Variants in SLC9A3 observed in about 807,000 individuals in gnomAD.
SLC9A3 encodes sodium/hydrogen exchanger 3.
SLC9A3 carries 37 observed loss-of-function variants against 86.8 expected under a neutral mutation model. That is an observed-to-expected ratio of 0.43 (90% CI 0.33 to 0.56). The LOEUF (loss-of-function observed/expected upper bound fraction) is 0.56, where lower values mean the gene tolerates loss of function less well. SLC9A3 is among the 20% of genes least tolerant of loss of function. The pLI, the probability that SLC9A3 is intolerant of heterozygous loss-of-function variation, is 0.06. For synonymous variants in SLC9A3, 581 were observed against 528.3 expected (o/e 1.10, Z -1.37); for missense variants, 1,011 against 1,171.9 (o/e 0.86, Z 2.00).
intron 8 of SLC9A3, 31 bp downstream of exon 8, chr5:482,037 C>A (rs774685248): frequency 3.9e-5 from 4 of 103,820 alleles, no homozygotes; most frequent in South Asian, 1.4e-4. Flanking sequence ...ACACGCAGTG[C>A]CCCCCCCCCG....
chr5:520,856 C>T lies in SLC9A3; in HGVS notation c.211+3256G>A, dbSNP rs369564342. Reference sequence around the variant, plus strand: ...GCCAGGCCTGGCAGTCTCTGCAAGGCACAGCCTCAGCCCCCAGAGGAAGCC... The same window carrying T: ...GCCAGGCCTGGCAGTCTCTGCAAGGTACAGCCTCAGCCCCCAGAGGAAGCC... On this transcript the variant is annotated intron_variant, in intron 1 of 16. Transcript: ENST00000264938. 5.3e-5 allele frequency among the ~76,000 whole-genome samples: 8 copies of T among 152,286 alleles called. No homozygotes were observed. The East Asian group carries it at 1.4e-3, about 26-fold the overall frequency.
At position 501,392 on chromosome 5, in the gene SLC9A3, G is replaced by A. The variant is rs576532853; in HGVS notation, c.212-9321C>T. On this transcript the variant is annotated intron_variant, in intron 1 of 16. Coordinates refer to ENST00000264938, the MANE Select transcript of SLC9A3 (RefSeq NM_004174.4). ...TGTGGTTTTACTTTAACAGGAACAC[G>A]TCCCGGAGGATTAAACTCTGCCTCC... is the stretch of plus-strand genomic sequence containing the variant. Among the ~76,000 whole-genome samples the A allele has an allele frequency of 5.9e-5, 9 of 152,334 alleles. No individual in the cohort carries two copies. In the South Asian group the frequency reaches 1.7e-3, roughly 28 times the overall value.
At chr5:482,910 C>G (rs1739282931) in intron 6 of SLC9A3, among the ~76,000 whole-genome samples, 160 bp from the exon 7 acceptor site, 1 of 151,246 alleles carries the variant, frequency 6.6e-6, no homozygotes. Context: ...TCACCATCCA[C>G]CCGGAGCCAC....
chr5:501,721 C>T (rs574438923), intron 1 of SLC9A3, among the ~76,000 whole-genome samples: 50 of 152,376 alleles, frequency 3.3e-4, no homozygotes, highest in African/African-American at 1.1e-3. Context: ...TCACTTTACC[C>T]GCCTGTGGGG....
chr5:498,190 G>A (rs1346292407), intron 1 of SLC9A3, among the ~76,000 whole-genome samples: 3 of 152,204 alleles, frequency 2.0e-5, no homozygotes, highest in Non-Finnish European at 2.9e-5. Context: ...GACGCTGAGG[G>A]GTGCTGCCAA....
chr5:515,743 T>C (rs1295067133), intron 1 of SLC9A3, among the ~76,000 whole-genome samples: 85 of 60,080 alleles, frequency 1.4e-3, no homozygotes, highest in Non-Finnish European at 1.9e-3. Flanking sequence ...ACCCACACAC[T>C]CCCCCTGCCC....
chr5:488,758 G>A (rs1739585743), intron 2 of SLC9A3, among the ~76,000 whole-genome samples: 3 of 152,266 alleles, frequency 2.0e-5, no homozygotes, highest in South Asian at 2.1e-4. Context: ...GGAGGCAGGT[G>A]GGTGCAGGGG....
Position 483,255 on chromosome 5 carries a change from G to C in SLC9A3, c.1153+7C>G. On this transcript the variant is annotated splice_region_variant and intron_variant, in intron 6 of 16. Transcript: ENST00000264938. ...GGTCCCACGGCCGCAACCCGGCCCC[G>C]CCTCACCGATGGCCCGGTACACGGA... The C allele has an allele frequency of 6.5e-7, 1 of 1,536,462 alleles. No homozygotes were observed. The highest frequency in any genetic ancestry group is 1.2e-5 in the South Asian group (1 of 83,856).
intron 1 of SLC9A3, among the ~76,000 whole-genome samples, chr5:504,395 G>A (rs116337185): frequency 0.013 from 2,004 of 152,338 alleles, 17 homozygotes; most frequent in Middle Eastern, 0.024. Context: ...GGCCCAGGGC[G>A]GTGGACATGC....
At chr5:515,386 TC>T (rs1733700212) in intron 1 of SLC9A3, among the ~76,000 whole-genome samples, 1 of 151,758 alleles carries the variant, frequency 6.6e-6, no homozygotes, top group African/African-American at 2.4e-5. Flanking sequence ...CTCTCCTGAC[TC>T]CACCTGGACA....
In SLC9A3 at chr5:476,667, T is replaced by C; in HGVS notation, c.1766A>G (p.Glu589Gly). The C allele has an allele frequency of 6.2e-7, 1 of 1,604,198 alleles. No homozygotes were observed. The highest frequency in any genetic ancestry group is 8.5e-7 in the Non-Finnish European group (1 of 1,179,806). Residue 589 changes from glutamate to glycine, a missense_variant, in exon 12 of 17, where the codon GAA (glutamate) becomes GGA (glycine). This residue lies in a region of SLC9A3 where 397 missense variants were observed against 346.3 expected (regional missense o/e 1.15). Coordinates refer to ENST00000264938, the MANE Select transcript of SLC9A3 (RefSeq NM_004174.4). ...GTCCAGGCAGACAGCGCTGACATTT[T>C]CTCTCCTGCGTGGGGACCAGCGCTG... ...VEASVSYLLR[E>G]NVSAVCLDMQ...
rs761519337 is a variant in SLC9A3 at position 491,775 on chromosome 5, G to A, written c.508C>T (p.Leu170Phe). Residue 170 changes from leucine (L) to phenylalanine (F), a missense_variant, in exon 2 of 17, where the codon CTC (leucine) becomes TTC (phenylalanine). Around this residue, in one of 3 missense-constraint regions of SLC9A3, gnomAD observed 565 missense variants for 790.0 expected, o/e 0.72. Transcript: ENST00000264938. The surrounding 1 kb of genome is among the most constrained non-coding windows in gnomAD (Gnocchi z 9.2). ...AACAGTGGCGCAGACTCACCCATGA[G>A]CCCACTGAGGAAGACGCCGTAGAGG... ...LSLYGVFLSG[L>F]MGDLQIGLLD... 2 of 1,544,022 alleles carry A rather than the reference G, an allele frequency of 1.3e-6. No homozygotes were observed. Among genetic ancestry groups the A allele is most frequent in the Non-Finnish European group, 1.8e-6 (2 of 1,139,212 alleles).
intron 1 of SLC9A3, among the ~76,000 whole-genome samples, chr5:519,536 C>A (rs1733823470): frequency 1.3e-5 from 2 of 152,228 alleles, no homozygotes; most frequent in South Asian, 4.1e-4. Context: ...ACAGCTTAGG[C>A]AGGTGGTCTA....
intron 1 of SLC9A3, among the ~76,000 whole-genome samples, chr5:498,576 ATT>A (rs1228216005): frequency 6.6e-6 from 1 of 151,848 alleles, no homozygotes; most frequent in African/African-American, 2.4e-5. Flanking sequence ...AAATTTTTGT[ATT>A]TTTTGTAGAG....
chr5:481,460 TG>T, intron 9 of SLC9A3, 104 bp downstream of exon 9: 1 of 995,910 alleles, frequency 1.0e-6, no homozygotes, highest in South Asian at 1.3e-5. Flanking sequence ...TGACCAAGCC[TG>T]GACTCAAACA....
intron 5 of SLC9A3, 113 bp from the exon 6 acceptor site, chr5:483,595 T>A: frequency 1.3e-6 from 1 of 773,862 alleles, no homozygotes; most frequent in Non-Finnish European, 2.2e-6. Context: ...CACAGTTGTG[T>A]GGTTACGGGG....
At chr5:510,433 C>T (rs139176965) in intron 1 of SLC9A3, among the ~76,000 whole-genome samples, 1 of 152,164 alleles carries the variant, frequency 6.6e-6, no homozygotes, top group Non-Finnish European at 1.5e-5. Flanking sequence ...GGGGTGGAGA[C>T]CTCACTGGGC....
In SLC9A3 at chr5:473,284, C is replaced by T. The variant is rs1230080041; in HGVS notation, c.*95G>A. 11 of 1,254,506 alleles carry T rather than the reference C, an allele frequency of 8.8e-6. No homozygotes were observed. Among genetic ancestry groups the T allele is most frequent in the Non-Finnish European group, 1.1e-5 (11 of 984,350 alleles). The allele number at this position is 1,254,506 out of a possible 1,614,324, so 77.7% of individuals were successfully genotyped here. A position where few individuals can be genotyped will look rare whatever the true frequency, so the allele number is the denominator to read the frequency against. On this transcript the variant is annotated 3_prime_UTR_variant, in exon 17 of 17. Coordinates refer to ENST00000264938, the MANE Select transcript of SLC9A3 (RefSeq NM_004174.4). ...GGGGCTCGCGGTCGCTGTAGCCGCG[C>T]GGGGATCTGGGGTTTCTCTGGGACA...
At position 473,289 on chromosome 5, in the gene SLC9A3, A is replaced by G. The variant is rs2126598701; in HGVS notation, c.*90T>C. On this transcript the variant is annotated 3_prime_UTR_variant, in exon 17 of 17. Transcript: ENST00000264938. ...TCGCGGTCGCTGTAGCCGCGCGGGG[A>G]TCTGGGGTTTCTCTGGGACAGCGGC... The G allele has an allele frequency of 1.5e-6, 2 of 1,290,732 alleles. No individual in the cohort carries two copies. The highest frequency in any genetic ancestry group is 2.0e-6 in the Non-Finnish European group (2 of 1,005,338). The allele number at this position is 1,290,732 out of a possible 1,614,324, so 80.0% of individuals were successfully genotyped here.
Sources: allele counts gnomAD v4.1 joint callset (sites outside exome capture counted in the v4.1 genomes callset), GRCh38; gene constraint gnomAD v4.1.1; regional missense constraint gnomAD v4.1.1; non-coding constraint Gnocchi (gnomAD v3.1); transcripts MANE v1.5; gene names NCBI Gene and HGNC (gene_info 2026-07-23, HGNC 2026-07-21).